Variants in SLC43A1 observed in about 807,000 individuals in gnomAD.
SLC43A1 encodes the protein large neutral amino acids transporter small subunit 3.
Under a neutral mutation model 59.5 loss-of-function variants are expected in SLC43A1, and 31 were observed. That is an observed-to-expected ratio of 0.52 (90% CI 0.39 to 0.70). The LOEUF is 0.70. SLC43A1 is among the 30% of genes least tolerant of loss of function. The pLI is 0.00. For synonymous variants in SLC43A1, 259 were observed against 290.9 expected (o/e 0.89, Z 1.12); for missense variants, 598 against 717.8 (o/e 0.83, Z 1.91).
Position 57,500,719 on chromosome 11 carries a change from C to T in SLC43A1, c.465+60G>A. ...CCATTCATACTGCCCTCACCCCACTCACTCTGCCCTCACCCCACTCGGGGG... is the reference window on the plus strand; with the variant it reads ...CCATTCATACTGCCCTCACCCCACTTACTCTGCCCTCACCCCACTCGGGGG... On this transcript the variant is annotated intron_variant, in intron 5 of 14. Transcript: ENST00000278426. 15 of 1,484,220 alleles carry T rather than the reference C, an allele frequency of 1.0e-5. No individual in the cohort carries two copies. The South Asian group carries it at 1.5e-4, about 15-fold the overall frequency. The allele number at this position is 1,484,220 out of a possible 1,614,324, so 91.9% of individuals were successfully genotyped here.
rs148843065 is a variant in SLC43A1 at position 57,503,588 on chromosome 11, G to T, written c.155-2259C>A. On this transcript the variant is annotated intron_variant, in intron 2 of 14. Coordinates refer to ENST00000278426, the MANE Select transcript of SLC43A1 (RefSeq NM_003627.6). ...TCTGCCTGCCTGGGCCTCCCAAAGTGCTGAGATTACAGACATGAGCAACTG... is the reference window on the plus strand; with the variant it reads ...TCTGCCTGCCTGGGCCTCCCAAAGTTCTGAGATTACAGACATGAGCAACTG... Among the ~76,000 whole-genome samples, 186 of 152,250 alleles carry T rather than the reference G, an allele frequency of 1.2e-3. 1 individual carries two copies. Among genetic ancestry groups the T allele is most frequent in the Middle Eastern group, 3.4e-3 (1 of 294 alleles).
Position 57,509,594 on chromosome 11 carries a change from A to AAAGGAAGGAAGGAAGGAAGG in SLC43A1, c.154+4344_154+4363dup, listed in dbSNP as rs1218558916. ...CAGAGCAAGATTCCGTCAGAAGGAC[A>AAAGGAAGGAAGGAAGGAAGG]AAGGAAGGAAGGAAGGAAGGAAGGA... On this transcript the variant is annotated intron_variant, in intron 2 of 14. Coordinates refer to ENST00000278426, the MANE Select transcript of SLC43A1 (RefSeq NM_003627.6). Among the ~76,000 whole-genome samples, 260 of 78,660 alleles carry AAAGGAAGGAAGGAAGGAAGG rather than the reference A, an allele frequency of 3.3e-3. 2 individuals are homozygous for AAAGGAAGGAAGGAAGGAAGG. Among genetic ancestry groups the AAAGGAAGGAAGGAAGGAAGG allele is most frequent in the African/African-American group, 0.01 (188 of 18,454 alleles). The allele number at this position is 78,660 out of a possible 152,430, so 51.6% of individuals were successfully genotyped here.
In SLC43A1 at chr11:57,489,842, T is replaced by TA. The variant is rs201401241; in HGVS notation, c.1194-451_1194-450insT. Among the ~76,000 whole-genome samples, 1,006 of 152,312 alleles carry TA rather than the reference T, an allele frequency of 6.6e-3. 5 individuals are homozygous for TA. Among genetic ancestry groups the TA allele is most frequent in the Admixed American group, 0.011 (162 of 15,306 alleles). On this transcript the variant is annotated intron_variant, in intron 11 of 14. Coordinates refer to ENST00000278426, the MANE Select transcript of SLC43A1 (RefSeq NM_003627.6). ...CTGCCCTAGACATAAGCAGATGCCCTCCTGGGGACAGCAGCTTGGCCTGAC... is the reference window on the plus strand; with the variant it reads ...CTGCCCTAGACATAAGCAGATGCCCTACCTGGGGACAGCAGCTTGGCCTGAC...
rs1943841458 is a variant in SLC43A1, at chr11:57,489,524, A to G, written c.1194-132T>C. The G allele has an allele frequency of 5.9e-6, 7 of 1,178,234 alleles. No homozygotes were observed. The South Asian group carries it at 6.0e-5, about 10-fold the overall frequency. The allele number at this position is 1,178,234 out of a possible 1,614,324, so 73.0% of individuals were successfully genotyped here. A position where few individuals can be genotyped will look rare whatever the true frequency, so the allele number is the denominator to read the frequency against. On this transcript the variant is annotated intron_variant, in intron 11 of 14. Transcript: ENST00000278426. ...AGAAAACACAGAAATCCATGTTTCT[A>G]TGGGAAACCCATAGAAACCCACGTT...
At position 57,487,188 on chromosome 11, in the gene SLC43A1, T is replaced by G; in HGVS notation, c.1440A>C (p.Thr480=). The part of the protein sequence containing the change: ...VFPSNHFGTL[T]GLQSLISAVF... ...CAGCACTGATGAGGGACTGCAGGCCTGTCAGCGTCCCAAAGTGGTTGGATG... is the reference window on the plus strand; with the variant it reads ...CAGCACTGATGAGGGACTGCAGGCCGGTCAGCGTCCCAAAGTGGTTGGATG... Residue 480 remains threonine (T), a synonymous_variant, in exon 14 of 15, where the codon ACA becomes ACC. Transcript: ENST00000278426. 1 of 1,613,872 alleles carries G rather than the reference T, an allele frequency of 6.2e-7. No individual in the cohort carries two copies. The highest frequency in any genetic ancestry group is 1.1e-5 in the South Asian group (1 of 91,068).
At position 57,515,123 on chromosome 11, in the gene SLC43A1, CG is replaced by C. The variant is rs563028628; in HGVS notation, c.-14+320del. The C allele has an allele frequency of 4.9e-3, 4,728 of 965,130 alleles. 14 individuals are homozygous for C. Among genetic ancestry groups the C allele is most frequent in the Non-Finnish European group, 5.2e-3 (4,216 of 811,520 alleles). 59.8% of individuals were successfully genotyped at this position (965,130 alleles called of 1,614,324 possible). A position where few individuals can be genotyped will look rare whatever the true frequency, so the allele number is the denominator to read the frequency against. On this transcript the variant is annotated intron_variant, in intron 1 of 14. Coordinates refer to ENST00000278426, the MANE Select transcript of SLC43A1 (RefSeq NM_003627.6). This position sits in a 1 kb window ranked among gnomAD's most constrained non-coding sequence, Gnocchi z 5.3. ...ACCAGTCACTTCTTCCAGGGGGACT[CG>C]GTATTCTCATCTGTGAAACGGGGCT...
chr11:57,495,021 T>A (rs898261942), intron 7 of SLC43A1, among the ~76,000 whole-genome samples: 6 of 152,006 alleles, frequency 3.9e-5, no homozygotes, highest in Admixed American at 3.9e-4. Flanking sequence ...GCTAATTTTG[T>A]ATTTTTAGTA....
Position 57,514,057 on chromosome 11 carries a change from C to G in SLC43A1, c.55G>C (p.Ala19Pro), listed in dbSNP as rs746078491. ...YRRRWWMACT[A>P]VLENLFFSAV... is the part of the protein sequence containing the mutation. ...GAGAAGAAGAGGTTCTCCAGCACAG[C>G]CGTGCAGGCCATCCACCAGCGCCTC... Residue 19 changes from alanine to proline, a missense_variant, in exon 2 of 15, where the codon GCT becomes CCT. Physicochemically the swap from Ala to Pro is conservative, Grantham distance 27. Transcript: ENST00000278426. The surrounding 1 kb of genome is among the most constrained non-coding windows in gnomAD (Gnocchi z 5.5). 2.5e-6 allele frequency: 4 copies of G among 1,607,254 alleles called. No homozygotes were observed. The highest frequency in any genetic ancestry group is 2.5e-6 in the Non-Finnish European group (3 of 1,176,948).
chr11:57,509,594 A>AAAGG (rs1218558916), intron 2 of SLC43A1, among the ~76,000 whole-genome samples: 4,900 of 78,516 alleles, frequency 0.062, 206 homozygotes, highest in African/African-American at 0.095. Context: ...TCAGAAGGAC[A>AAAGG]AAGGAAGGAA....
chr11:57,491,571 C>T lies in SLC43A1; in HGVS notation c.1054+20G>A, dbSNP rs1264049645. 1.1e-5 allele frequency: 17 copies of T among 1,614,004 alleles called. No individual in the cohort carries two copies. Among genetic ancestry groups the T allele is most frequent in the Non-Finnish European group, 1.4e-5 (17 of 1,179,970 alleles). ...GCAGTGGGGTGGGCGTGAGCCAGGG[C>T]CCTGCTTTCATAGCCCTACCTGTCT... On this transcript the variant is annotated intron_variant, in intron 10 of 14. Coordinates refer to ENST00000278426, the MANE Select transcript of SLC43A1 (RefSeq NM_003627.6).
intron 13 of SLC43A1, 22 bp from the exon 14 acceptor site, chr11:57,487,240 T>G: frequency 6.2e-7 from 1 of 1,608,404 alleles, no homozygotes; most frequent in South Asian, 1.1e-5. Context: ...ACGGGGAGTA[T>G]CAGGGGTGTG....
intron 2 of SLC43A1, among the ~76,000 whole-genome samples, chr11:57,506,149 T>C (rs1944390885): frequency 1.3e-5 from 2 of 152,146 alleles, no homozygotes. Flanking sequence ...AGTTTGAGAC[T>C]AGCCCTGGCA....
intron 14 of SLC43A1, among the ~76,000 whole-genome samples, chr11:57,485,481 C>A (rs1158639141): frequency 6.6e-6 from 1 of 152,194 alleles, no homozygotes; most frequent in Non-Finnish European, 1.5e-5. Flanking sequence ...GGTGCCCACA[C>A]CATATGGCAC....
chr11:57,513,898 C>T (rs1051881419), intron 2 of SLC43A1, 60 bp downstream of exon 2: 2 of 1,397,434 alleles, frequency 1.4e-6, no homozygotes, highest in Non-Finnish European at 2.0e-6. Flanking sequence ...CCTTTTCTGG[C>T]TTCCACCTGC....
chr11:57,509,668 G>A (rs1944482831), intron 2 of SLC43A1, among the ~76,000 whole-genome samples: 1 of 123,694 alleles, frequency 8.1e-6, no homozygotes, highest in African/African-American at 3.2e-5. Context: ...GAGGGAGGAA[G>A]GGAAGGAGGG....
intron 11 of SLC43A1, among the ~76,000 whole-genome samples, chr11:57,490,830 C>T (rs774070220): frequency 1.6e-4 from 24 of 152,230 alleles, no homozygotes; most frequent in African/African-American, 5.8e-4. Flanking sequence ...CTAGCCCTAA[C>T]AAGACTTTAG....
Position 57,487,095 on chromosome 11 carries a change from C to T in SLC43A1, c.1533G>A (p.Trp511Ter). 1 of 1,613,826 alleles carries T rather than the reference C, an allele frequency of 6.2e-7. No individual in the cohort carries two copies. Among genetic ancestry groups the T allele is most frequent in the Non-Finnish European group, 8.5e-7 (1 of 1,179,952 alleles). The change falls in exon 14 of 15, where the codon TGG becomes TGA. Residue 511 changes from tryptophan (W) to a stop codon, truncating the protein, a stop_gained and splice_region_variant. Transcript: ENST00000278426. LOFTEE classifies it low-confidence loss of function (END_TRUNC). ...CCCCCACACCAACCCTCGCTCTCACCCAGAAGGGCTCTCCTTTCAGGGGTC... is the reference window on the plus strand; with the variant it reads ...CCCCCACACCAACCCTCGCTCTCACTCAGAAGGGCTCTCCTTTCAGGGGTC... ...MVGPLKGEPF[W>*]VNLGLLLFSL...
At position 57,513,943 on chromosome 11, in the gene SLC43A1, C is replaced by T. The variant is rs778778815; in HGVS notation, c.154+15G>A. Reference sequence around the variant, plus strand: ...ATCCCTCCCCCCAGCCCACCCAGCCCATTTTCAGGCATACCTGGGCACGTG... The same window carrying T: ...ATCCCTCCCCCCAGCCCACCCAGCCTATTTTCAGGCATACCTGGGCACGTG... On this transcript the variant is annotated intron_variant, in intron 2 of 14. Coordinates refer to ENST00000278426, the MANE Select transcript of SLC43A1 (RefSeq NM_003627.6). 4.8e-6 allele frequency: 7 copies of T among 1,454,738 alleles called. No homozygotes were observed. The Admixed American group carries it at 5.5e-5, about 11-fold the overall frequency. The allele number at this position is 1,454,738 out of a possible 1,614,324, so 90.1% of individuals were successfully genotyped here. A position where few individuals can be genotyped will look rare whatever the true frequency, so the allele number is the denominator to read the frequency against.
intron 2 of SLC43A1, among the ~76,000 whole-genome samples, chr11:57,513,292 C>A (rs979131030): frequency 1.3e-5 from 2 of 152,224 alleles, no homozygotes; most frequent in Non-Finnish European, 2.9e-5. Context: ...CAGCACAGCT[C>A]TCTCCTTCCC....
Sources: allele counts gnomAD v4.1 joint callset (sites outside exome capture counted in the v4.1 genomes callset), GRCh38; gene constraint gnomAD v4.1.1; non-coding constraint Gnocchi (gnomAD v3.1); transcripts MANE v1.5; gene names NCBI Gene and HGNC (gene_info 2026-07-23, HGNC 2026-07-21).